Variants in TMPRSS13 observed in about 807,000 individuals in gnomAD.
TMPRSS13 encodes transmembrane serine protease 13.
Under a neutral mutation model 68.4 loss-of-function variants are expected in TMPRSS13, and 50 were observed. That is an observed-to-expected ratio of 0.73 (90% CI 0.58 to 0.93). The LOEUF (loss-of-function observed/expected upper bound fraction) is 0.93, where lower values mean the gene tolerates loss of function less well. Ranked by LOEUF, TMPRSS13 falls within the 40% of genes least tolerant of loss-of-function variation. The pLI is 0.00. For missense variants in TMPRSS13, 615 were observed against 729.2 expected (o/e 0.84, Z 1.80); for synonymous variants, 267 against 285.8 (o/e 0.93, Z 0.66).
intron 10 of TMPRSS13, 65 bp from the exon 11 acceptor site, chr11:117,904,166 G>T: frequency 6.4e-7 from 1 of 1,564,928 alleles, no homozygotes; most frequent in South Asian, 1.2e-5. Flanking sequence ...ATAGCTTCCT[G>T]GCCGTCCAGC....
intron 1 of TMPRSS13, among the ~76,000 whole-genome samples, chr11:117,921,628 T>C (rs866922558): frequency 8.5e-5 from 13 of 152,128 alleles, no homozygotes; most frequent in African/African-American, 2.9e-4. Flanking sequence ...GGAGGGGGCA[T>C]TGGTGGAAAG....
chr11:117,919,882 G>A (rs867040388), intron 1 of TMPRSS13, among the ~76,000 whole-genome samples: 3 of 152,230 alleles, frequency 2.0e-5, no homozygotes, highest in Non-Finnish European at 2.9e-5. Context: ...CACAGTCTTC[G>A]TGAACCACGT....
At chr11:117,923,294 TGTTTTTCTG>T (rs770438391) in intron 1 of TMPRSS13, among the ~76,000 whole-genome samples, 30 of 152,336 alleles carry the variant, frequency 2.0e-4, no homozygotes, top group Non-Finnish European at 3.8e-4. Context: ...GCGAATGGGA[TGTTTTTCTG>T]GTTTCCAGTT....
At chr11:117,927,503 A>G (rs964288994) in intron 1 of TMPRSS13, among the ~76,000 whole-genome samples, 6 of 152,200 alleles carry the variant, frequency 3.9e-5, no homozygotes, top group African/African-American at 1.4e-4. Flanking sequence ...CCTCTTTTCC[A>G]AGATCCCTCT....
At chr11:117,916,866 T>A (rs1225357625) in intron 3 of TMPRSS13, among the ~76,000 whole-genome samples, 1 of 152,242 alleles carries the variant, frequency 6.6e-6, no homozygotes, top group Non-Finnish European at 1.5e-5. Flanking sequence ...TTTTGTCCCA[T>A]CTGAAGATGC....
chr11:117,923,839 A>T (rs111522483), intron 1 of TMPRSS13, among the ~76,000 whole-genome samples: 9 of 1,534 alleles, frequency 5.9e-3, no homozygotes, highest in Non-Finnish European at 0.019. Context: ...TATAATAATT[A>T]AAAAAAAAAA....
rs563131627 is a variant in TMPRSS13, at chr11:117,909,927, C to A, written c.988G>T (p.Ala330Ser). The A allele has an allele frequency of 6.2e-7, 1 of 1,614,164 alleles. No individual in the cohort carries two copies. The highest frequency in any genetic ancestry group is 1.3e-5 in the African/African-American group (1 of 75,054). Residue 330 changes from alanine (A) to serine (S), a missense_variant, in exon 8 of 13, where the codon GCG (alanine) becomes TCG (serine). Coordinates refer to ENST00000524993, the MANE Select transcript of TMPRSS13 (RefSeq NM_001077263.3). ...GGCCACTTGCTATCCGAGGCCAGCG[C>A]CCCTCCCACGATCCGCCCGGTCATG... ...RAMTGRIVGG[A>S]LASDSKWPWQ...
rs116242565 is a variant in TMPRSS13, at chr11:117,924,842, T to C, written c.21+4445A>G. On this transcript the variant is annotated intron_variant, in intron 1 of 12. Coordinates refer to ENST00000524993, the MANE Select transcript of TMPRSS13 (RefSeq NM_001077263.3). ...GCACACAGGCATCTTCCCCACCACCTCCTCACCCAGCACCAGCATCTCCAG... is the reference window on the plus strand; with the variant it reads ...GCACACAGGCATCTTCCCCACCACCCCCTCACCCAGCACCAGCATCTCCAG... Among the ~76,000 whole-genome samples, 415 of 151,794 alleles carry C rather than the reference T, an allele frequency of 2.7e-3. 4 individuals are homozygous for C. The highest frequency in any genetic ancestry group is 9.5e-3 in the African/African-American group (391 of 41,342).
chr11:117,905,764 A>G (rs1272185527), intron 9 of TMPRSS13, 28 bp from the exon 10 acceptor site: 3 of 1,550,146 alleles, frequency 1.9e-6, no homozygotes, highest in African/African-American at 2.7e-5. Context: ...GACGTCAGTG[A>G]AGGAACAAGG....
intron 1 of TMPRSS13, among the ~76,000 whole-genome samples, chr11:117,924,557 C>T (rs1470395144): frequency 2.6e-5 from 4 of 152,210 alleles, no homozygotes; most frequent in African/African-American, 9.7e-5. Context: ...TCTGGAAGCA[C>T]TGGCGGCACT....
Position 117,904,090 on chromosome 11 carries a change from G to C in TMPRSS13, c.1393C>G (p.Pro465Ala), listed in dbSNP as rs2092614376. 6.2e-7 allele frequency: 1 copy of C among 1,613,848 alleles called. No individual in the cohort carries two copies. Among genetic ancestry groups the C allele is most frequent in the African/African-American group, 1.3e-5 (1 of 74,932 alleles). ...KTRETDDKTSPFLREVQVNLI... is the reference protein window; with the variant it reads ...KTRETDDKTSAFLREVQVNLI... The stretch of plus-strand genomic sequence containing the variant: ...TTGACCTGCACCTCCCGGAGGAAGG[G>C]GGATGTCTTGTCTTCAGTGAAGTGG... The change falls in exon 11 of 13, where the codon CCC (proline) becomes GCC (alanine). Residue 465 changes from proline (P) to alanine (A), a missense_variant. By Grantham distance (27) the Pro-to-Ala change is conservative. Transcript: ENST00000524993.
chr11:117,901,954 A>G lies in TMPRSS13; in HGVS notation c.*285T>C, dbSNP rs996781170. Reference sequence around the variant, plus strand: ...TCCATCCATCTATGGACACTCCTGTAGGAACATCCACGGTACTCAACTCTT... The same window carrying G: ...TCCATCCATCTATGGACACTCCTGTGGGAACATCCACGGTACTCAACTCTT... On this transcript the variant is annotated 3_prime_UTR_variant, in exon 13 of 13. Coordinates refer to ENST00000524993, the MANE Select transcript of TMPRSS13 (RefSeq NM_001077263.3). 11 of 513,446 alleles carry G rather than the reference A, an allele frequency of 2.1e-5. No homozygotes were observed. The East Asian group carries it at 4.0e-4, about 19-fold the overall frequency. The allele number at this position is 513,446 out of a possible 1,614,324, so 31.8% of individuals were successfully genotyped here.
chr11:117,910,455 A>T (rs2057510827), intron 7 of TMPRSS13: 2 of 497,210 alleles, frequency 4.0e-6, no homozygotes, highest in Non-Finnish European at 7.2e-6. Context: ...CCTGATGCAC[A>T]GAAGACTCAG....
Position 117,913,853 on chromosome 11 carries a change from G to A in TMPRSS13, c.733C>T (p.Gln245Ter). Residue 245 changes from glutamine (Q) to a stop codon, truncating the protein, a stop_gained, in exon 5 of 13, where the codon CAG becomes TAG. Coordinates refer to ENST00000524993, the MANE Select transcript of TMPRSS13 (RefSeq NM_001077263.3). LOFTEE classifies it high-confidence loss of function. ...LLKIYSGSSH[Q>*]WLPICSSNWN... Reference sequence around the variant, plus strand: ...TTGCTGCTACAGATGGGAAGCCACTGATGGGAGGACCCAGAGTAGATTTTA... The same window carrying A: ...TTGCTGCTACAGATGGGAAGCCACTAATGGGAGGACCCAGAGTAGATTTTA... 6.2e-7 allele frequency: 1 copy of A among 1,614,136 alleles called. No homozygotes were observed.
At position 117,901,047 on chromosome 11, in the gene TMPRSS13, G is replaced by A. The variant is rs2057407185; in HGVS notation, c.*1192C>T. On this transcript the variant is annotated 3_prime_UTR_variant, in exon 13 of 13. Transcript: ENST00000524993. Reference sequence around the variant, plus strand: ...TTAGATCCTTCAGCAGGGCTGCCTGGAAGGCATGGGACCATGTTAGCTTTC... The same window carrying A: ...TTAGATCCTTCAGCAGGGCTGCCTGAAAGGCATGGGACCATGTTAGCTTTC... The A allele has an allele frequency of 6.6e-6, 1 of 152,290 alleles. No homozygotes were observed. Among genetic ancestry groups the A allele is most frequent in the Admixed American group, 6.5e-5 (1 of 15,290 alleles). The allele number at this position is 152,290 out of a possible 1,614,324, so 9.4% of individuals were successfully genotyped here. A position where few individuals can be genotyped will look rare whatever the true frequency, so the allele number is the denominator to read the frequency against.
intron 9 of TMPRSS13, chr11:117,908,032 G>A: frequency 1.0e-6 from 1 of 999,392 alleles, no homozygotes; most frequent in Middle Eastern, 5.1e-4. Context: ...TTAGTTGTTT[G>A]AATGTGTACT....
chr11:117,914,669 T>C lies in TMPRSS13; in HGVS notation c.557-155A>G, dbSNP rs368369112. ...CCATCTGTATGGAGAGAAAGGCTGC[T>C]CAGGAATGCTCCAGAATGCTCCAGA... On this transcript the variant is annotated intron_variant, in intron 3 of 12. Coordinates refer to ENST00000524993, the MANE Select transcript of TMPRSS13 (RefSeq NM_001077263.3). The surrounding 1 kb of genome is among the most constrained non-coding windows in gnomAD (Gnocchi z 4.2). 6.6e-6 allele frequency among the ~76,000 whole-genome samples: 1 copy of C among 152,006 alleles called. No individual in the cohort carries two copies. The highest frequency in any genetic ancestry group is 2.4e-5 in the African/African-American group (1 of 41,456).
chr11:117,918,343 G>T, intron 2 of TMPRSS13, 66 bp downstream of exon 2: 1 of 1,559,400 alleles, frequency 6.4e-7, no homozygotes, highest in East Asian at 2.3e-5. Context: ...CACTGGCTCT[G>T]AGATTTCCTC....
At chr11:117,920,706 C>T (rs893651789) in intron 1 of TMPRSS13, among the ~76,000 whole-genome samples, 9 of 152,138 alleles carry the variant, frequency 5.9e-5, no homozygotes, top group Admixed American at 3.3e-4. Context: ...CCAGGCTGGT[C>T]TCAAACTCCT....
Sources: allele counts gnomAD v4.1 joint callset (sites outside exome capture counted in the v4.1 genomes callset), GRCh38; gene constraint gnomAD v4.1.1; non-coding constraint Gnocchi (gnomAD v3.1); transcripts MANE v1.5; gene names NCBI Gene and HGNC (gene_info 2026-07-23, HGNC 2026-07-21).